Variants in TMPRSS11F observed in about 807,000 individuals in gnomAD.
TMPRSS11F encodes the protein transmembrane protease serine 11F.
A neutral mutation model predicts 60.2 loss-of-function variants in TMPRSS11F; 47 were observed. The observed-to-expected ratio is 0.78, with a 90% CI of 0.62 to 1.00. The LOEUF is 1.00. Among genes scored for constraint, TMPRSS11F ranks in the 50% least tolerant of loss-of-function variants. TMPRSS11F has a pLI of 0.00. For missense variants in TMPRSS11F, 519 were observed against 522.9 expected, an observed-to-expected ratio of 0.99 and a Z score of 0.07; for synonymous variants, 166 against 167.3, an observed-to-expected ratio of 0.99 and a Z score of 0.06.
intron 3 of TMPRSS11F, among the ~76,000 whole-genome samples, chr4:68,082,831 C>T (rs1225225136): frequency 6.6e-6 from 1 of 152,236 alleles, no homozygotes; most frequent in Non-Finnish European, 1.5e-5. Context: ...GTGTGCCTCC[C>T]TCTACAGGGA....
At chr4:68,083,949 G>A (rs1723757518) in intron 3 of TMPRSS11F, among the ~76,000 whole-genome samples, 1 of 152,080 alleles carries the variant, frequency 6.6e-6, no homozygotes, top group Non-Finnish European at 1.5e-5. Flanking sequence ...GATCCAAGAG[G>A]TGAAAGATGA....
chr4:68,071,380 A>G (rs1577915294), intron 5 of TMPRSS11F, among the ~76,000 whole-genome samples: 1 of 152,182 alleles, frequency 6.6e-6, no homozygotes, highest in Admixed American at 6.6e-5. Context: ...ATGCATGACT[A>G]TTGGGAAGGG....
chr4:68,126,442 T>C (rs1261422535), intron 1 of TMPRSS11F, among the ~76,000 whole-genome samples: 2 of 152,228 alleles, frequency 1.3e-5, no homozygotes, highest in African/African-American at 2.4e-5. Flanking sequence ...GTACAGTCTC[T>C]AGTTTTCAGC....
At chr4:68,128,964 CA>C (rs1258265622) in intron 1 of TMPRSS11F, among the ~76,000 whole-genome samples, 2 of 151,978 alleles carry the variant, frequency 1.3e-5, no homozygotes, top group African/African-American at 4.8e-5. Flanking sequence ...TAATTGAAGA[CA>C]AAATCAAATG....
chr4:68,119,114 G>T (rs1458848471), intron 1 of TMPRSS11F, among the ~76,000 whole-genome samples: 2 of 152,030 alleles, frequency 1.3e-5, no homozygotes, highest in Non-Finnish European at 2.9e-5. Context: ...TTGTGGGCTG[G>T]ATAGAAGATC....
chr4:68,094,321 T>G (rs1724020105), intron 2 of TMPRSS11F, among the ~76,000 whole-genome samples: 1 of 134,184 alleles, frequency 7.5e-6, no homozygotes, highest in Non-Finnish European at 1.6e-5. Context: ...ACACCGCATA[T>G]TCTCACTCAT....
At chr4:68,072,525 A>C in intron 4 of TMPRSS11F, 39 bp from the exon 5 acceptor site, 2 of 1,414,912 alleles carry the variant, frequency 1.4e-6, no homozygotes, top group Non-Finnish European at 1.9e-6. Flanking sequence ...GCATTTATCT[A>C]ATCATTAATG....
intron 1 of TMPRSS11F, among the ~76,000 whole-genome samples, chr4:68,124,558 T>C (rs377126442): frequency 1.3e-5 from 2 of 152,252 alleles, no homozygotes; most frequent in East Asian, 1.9e-4. Context: ...TATTGATTCA[T>C]TGATTCTTTT....
chr4:68,107,316 T>A (rs1024747964), intron 1 of TMPRSS11F, among the ~76,000 whole-genome samples: 1 of 152,184 alleles, frequency 6.6e-6, no homozygotes, highest in Non-Finnish European at 1.5e-5. Flanking sequence ...AAAGATAGTT[T>A]GTGCAATAAA....
chr4:68,069,115 A>G (rs973720074), intron 6 of TMPRSS11F, among the ~76,000 whole-genome samples: 3 of 152,206 alleles, frequency 2.0e-5, no homozygotes, highest in Admixed American at 6.5e-5. Flanking sequence ...TGTGTCTTAG[A>G]TGTATTTATA....
At chr4:68,082,961 G>T (rs1247912788) in intron 3 of TMPRSS11F, among the ~76,000 whole-genome samples, 2 of 152,204 alleles carry the variant, frequency 1.3e-5, no homozygotes, top group Non-Finnish European at 2.9e-5. Flanking sequence ...AAAACCAGCT[G>T]GTTGGGCCAG....
chr4:68,055,951 T>C (rs1159526331), intron 9 of TMPRSS11F, among the ~76,000 whole-genome samples: 1 of 152,130 alleles, frequency 6.6e-6, no homozygotes, highest in African/African-American at 2.4e-5. Context: ...CTAAAAACTA[T>C]GATCCATTCA....
intron 2 of TMPRSS11F, among the ~76,000 whole-genome samples, chr4:68,094,480 C>A (rs1382227214): frequency 6.8e-6 from 1 of 146,520 alleles, no homozygotes; most frequent in Non-Finnish European, 1.5e-5. Flanking sequence ...AGCGCACCAG[C>A]ATGGCACATG....
At chr4:68,090,462 C>T in intron 3 of TMPRSS11F, 61 bp downstream of exon 3, 1 of 1,507,906 alleles carries the variant, frequency 6.6e-7, no homozygotes, top group Non-Finnish European at 8.9e-7. Flanking sequence ...TATATAACAC[C>T]CACATTCAAA....
chr4:68,059,228 A>T, intron 9 of TMPRSS11F, 98 bp downstream of exon 9: 2 of 1,252,622 alleles, frequency 1.6e-6, no homozygotes, highest in Non-Finnish European at 2.2e-6. Context: ...GGTGTAAGAG[A>T]TGCCATTTTT....
At chr4:68,095,130 T>TTA (rs368414814) in intron 2 of TMPRSS11F, among the ~76,000 whole-genome samples, 36 of 150,340 alleles carry the variant, frequency 2.4e-4, no homozygotes, top group East Asian at 7.8e-4. Context: ...AGGCAGCATT[T>TTA]TATATATATA....
At chr4:68,066,116 CAA>C (rs10638436) in intron 7 of TMPRSS11F, among the ~76,000 whole-genome samples, 5 of 111,562 alleles carry the variant, frequency 4.5e-5, no homozygotes, top group East Asian at 2.5e-4. Flanking sequence ...AAGACTGTCT[CAA>C]AAAAAAAAAA....
intron 1 of TMPRSS11F, among the ~76,000 whole-genome samples, chr4:68,124,967 T>TTTC (rs397993852): frequency 6.7e-6 from 1 of 149,252 alleles, no homozygotes; most frequent in Non-Finnish European, 1.5e-5. Context: ...TTTTTTTTTT[T>TTTC]ACATAGTACA....
chr4:68,071,115 T>C (rs1447203419), intron 5 of TMPRSS11F, among the ~76,000 whole-genome samples: 5 of 152,202 alleles, frequency 3.3e-5, no homozygotes, highest in African/African-American at 9.7e-5. Flanking sequence ...CTTTAGGATA[T>C]ATGATTGTGG....
Sources: allele counts gnomAD v4.1 joint callset (sites outside exome capture counted in the v4.1 genomes callset), GRCh38; gene constraint gnomAD v4.1.1; transcripts MANE v1.5; gene names NCBI Gene and HGNC (gene_info 2026-07-23, HGNC 2026-07-21).